Variants in NXPE4 observed in about 807,000 individuals in gnomAD.
The protein encoded by NXPE4 is NXPE family member 4.
NXPE4 carries 42 observed loss-of-function variants against 33.3 expected under a neutral mutation model. The ratio of observed to expected loss-of-function variants is 1.26; its 90% CI spans 0.98 to 1.63. NXPE4 has a LOEUF of 1.63. Among genes scored for constraint, NXPE4 ranks in the 40% most tolerant of loss-of-function variants. The pLI is 0.00. For missense variants in NXPE4, 709 were observed against 647.6 expected, an observed-to-expected ratio of 1.09 and a Z score of -1.03; for synonymous variants, 253 against 234.9, an observed-to-expected ratio of 1.08 and a Z score of -0.71.
At chr11:114,633,733 C>A in the NXPE4 span, among the ~76,000 whole-genome samples, 6 of 151,522 alleles carry the variant, frequency 4.0e-5, 1 homozygote, top group Middle Eastern at 0.021. Flanking sequence ...TTTGTCCTTG[C>A]GATTGTTTAC....
chr11:114,632,751 A>T, the NXPE4 span, among the ~76,000 whole-genome samples: 2 of 36,314 alleles, frequency 5.5e-5, no homozygotes, highest in East Asian at 3.0e-3. Flanking sequence ...AATATATTAT[A>T]ATATATCATA....
At chr11:114,653,928 C>T in the NXPE4 span, among the ~76,000 whole-genome samples, 1 of 152,068 alleles carries the variant, frequency 6.6e-6, no homozygotes, top group African/African-American at 2.4e-5. Context: ...AGGAAGTTCC[C>T]ATGATGTCTT....
chr11:114,590,926 T>A (rs1949436208), intron 2 of NXPE4, among the ~76,000 whole-genome samples: 1 of 152,146 alleles, frequency 6.6e-6, no homozygotes, highest in African/African-American at 2.4e-5. Context: ...GTTAGAAGGG[T>A]CAGCAGTTCT....
chr11:114,601,140 T>C, the NXPE4 span, among the ~76,000 whole-genome samples: 5 of 151,974 alleles, frequency 3.3e-5, no homozygotes, highest in East Asian at 1.9e-4. Context: ...TTTTTGGTTA[T>C]GTGGATGAAT....
At chr11:114,670,958 T>C in the NXPE4 span, among the ~76,000 whole-genome samples, 1 of 150,764 alleles carries the variant, frequency 6.6e-6, no homozygotes, top group Admixed American at 6.6e-5. Flanking sequence ...TTCAAGGAAT[T>C]AAAGGAAGCC....
chr11:114,602,918 A>G, the NXPE4 span, among the ~76,000 whole-genome samples: 1 of 149,060 alleles, frequency 6.7e-6, no homozygotes, highest in Non-Finnish European at 1.5e-5. Context: ...ATCATATATA[A>G]TAATCTAATA....
At chr11:114,588,815 T>C (rs1949371687) in intron 2 of NXPE4, among the ~76,000 whole-genome samples, 1 of 152,132 alleles carries the variant, frequency 6.6e-6, no homozygotes, top group Admixed American at 6.5e-5. Flanking sequence ...AAACACACCT[T>C]CTTGTCCCCT....
chr11:114,612,931 C>T, the NXPE4 span, among the ~76,000 whole-genome samples: 6 of 151,914 alleles, frequency 3.9e-5, no homozygotes, highest in South Asian at 2.1e-4. Context: ...ATTGTTGCAT[C>T]GCATGTATCC....
chr11:114,575,454 C>T (rs1948976251), intron 5 of NXPE4, among the ~76,000 whole-genome samples: 2 of 152,006 alleles, frequency 1.3e-5, no homozygotes, highest in South Asian at 4.1e-4. Flanking sequence ...AAAGACTTAT[C>T]CAAAAAGCTC....
At chr11:114,627,890 C>T in the NXPE4 span, among the ~76,000 whole-genome samples, 1 of 151,516 alleles carries the variant, frequency 6.6e-6, no homozygotes, top group Non-Finnish European at 1.5e-5. Context: ...ATAAAACAGA[C>T]TTTAAACCAA....
the NXPE4 span, among the ~76,000 whole-genome samples, chr11:114,636,824 G>A: frequency 6.6e-6 from 1 of 152,126 alleles, no homozygotes; most frequent in African/African-American, 2.4e-5. Flanking sequence ...TGTGGTCTGA[G>A]AGACAGTTTG....
At chr11:114,600,339 C>A (rs1440606801), upstream of NXPE4, among the ~76,000 whole-genome samples, 1 of 152,046 alleles carries the variant, frequency 6.6e-6, no homozygotes, top group African/African-American at 2.4e-5. Flanking sequence ...AATTAAAAGT[C>A]TTCTCAAATT....
At chr11:114,613,524 G>A in the NXPE4 span, among the ~76,000 whole-genome samples, 3 of 149,684 alleles carry the variant, frequency 2.0e-5, no homozygotes, top group East Asian at 2.0e-4. Flanking sequence ...GTATTGCTTC[G>A]TGGGTAATCA....
intron 2 of NXPE4, among the ~76,000 whole-genome samples, chr11:114,593,848 A>G (rs1949517829): frequency 6.6e-6 from 1 of 152,228 alleles, no homozygotes; most frequent in Non-Finnish European, 1.5e-5. Flanking sequence ...AGTTATAAAA[A>G]GAACAAGATT....
the NXPE4 span, among the ~76,000 whole-genome samples, chr11:114,605,789 G>A: frequency 1.3e-5 from 2 of 151,610 alleles, no homozygotes; most frequent in African/African-American, 4.9e-5. Context: ...TGGATAATAA[G>A]TATTGCCTCT....
At chr11:114,639,580 G>T in the NXPE4 span, among the ~76,000 whole-genome samples, 1 of 150,174 alleles carries the variant, frequency 6.7e-6, no homozygotes, top group Non-Finnish European at 1.5e-5. Flanking sequence ...GGGAGCTGTA[G>T]ACTGGAGCTG....
the NXPE4 span, among the ~76,000 whole-genome samples, chr11:114,633,777 C>G: frequency 3.3e-5 from 5 of 152,010 alleles, no homozygotes; most frequent in African/African-American, 1.2e-4. Flanking sequence ...ATCCATGTCC[C>G]TAGAAAGGAT....
At chr11:114,636,392 G>C in the NXPE4 span, among the ~76,000 whole-genome samples, 4 of 151,838 alleles carry the variant, frequency 2.6e-5, no homozygotes, top group Non-Finnish European at 5.9e-5. Flanking sequence ...TATCAATTTT[G>C]TTGATCCTTT....
chr11:114,625,632 G>C, the NXPE4 span, among the ~76,000 whole-genome samples: 1 of 152,162 alleles, frequency 6.6e-6, no homozygotes, highest in Non-Finnish European at 1.5e-5. Flanking sequence ...GGTAACTGCT[G>C]TTACCCGGTG....
Sources: gnomAD v4.1 joint callset for allele counts (sites outside exome capture counted in the v4.1 genomes callset) on GRCh38, gnomAD v4.1.1 for gene constraint, MANE v1.5 for transcripts, NCBI Gene and HGNC (gene_info 2026-07-23, HGNC 2026-07-21) for gene names.